Variants in EML5 observed in about 807,000 individuals in gnomAD.
EML5 encodes EMAP like 5, also known as echinoderm microtubule-associated protein-like 5.
A neutral mutation model predicts 250.0 loss-of-function variants in EML5; 120 were observed. The observed-to-expected ratio is 0.48, with a 90% CI of 0.41 to 0.56. The LOEUF is 0.56. EML5 is among the 20% of genes least tolerant of loss of function. EML5 has a pLI of 0.00. For synonymous variants in EML5, 771 were observed against 806.5 expected, an observed-to-expected ratio of 0.96 and a Z score of 0.75; for missense variants, 2,006 against 2,437.6, an observed-to-expected ratio of 0.82 and a Z score of 3.73.
intron 21 of EML5, among the ~76,000 whole-genome samples, chr14:88,681,405 T>C (rs1373373938): frequency 6.6e-6 from 1 of 152,216 alleles, no homozygotes; most frequent in Non-Finnish European, 1.5e-5. Context: ...GGTCAGGAGA[T>C]TGAGACCAGC....
rs767572487 is a variant in EML5 at position 88,736,482 on chromosome 14, GCAC to G, written c.928_930del (p.Val310del). 1.1e-5 allele frequency: 18 copies of G among 1,613,822 alleles called. No homozygotes were observed. Among genetic ancestry groups the G allele is most frequent in the Non-Finnish European group, 1.4e-5 (16 of 1,179,892 alleles). On this transcript the variant is annotated inframe_deletion, in exon 7 of 44. Coordinates refer to ENST00000554922, the MANE Select transcript of EML5 (RefSeq NM_183387.3). ...ATTAGAAAAGGTTTATTTCTTTCTT[GCAC>G]CACAATTTCAAAAATTTCACTGTCC...
chr14:88,727,379 C>T (rs1163040032), intron 7 of EML5, among the ~76,000 whole-genome samples: 1 of 149,800 alleles, frequency 6.7e-6, no homozygotes, highest in Admixed American at 6.7e-5. Flanking sequence ...CTCAACTCTG[C>T]ATCTGTAGTG....
intron 1 of EML5, among the ~76,000 whole-genome samples, chr14:88,772,363 T>C (rs1252480493): frequency 4.6e-5 from 7 of 152,190 alleles, no homozygotes; most frequent in African/African-American, 1.2e-4. Flanking sequence ...AAAAATAACA[T>C]AAATCTGATC....
At chr14:88,745,972 T>C (rs557053153) in intron 3 of EML5, among the ~76,000 whole-genome samples, 1 of 152,294 alleles carries the variant, frequency 6.6e-6, no homozygotes, top group South Asian at 2.1e-4. Flanking sequence ...GCCAATGCTA[T>C]ACATATCAAA....
At chr14:88,720,713 CACAAG>C (rs773314616) in intron 8 of EML5, among the ~76,000 whole-genome samples, 8 of 152,112 alleles carry the variant, frequency 5.3e-5, no homozygotes, top group Non-Finnish European at 1.0e-4. Flanking sequence ...TGAAAACTGG[CACAAG>C]ACAAGGATGT....
At chr14:88,739,392 G>T (rs1308465390) in intron 5 of EML5, among the ~76,000 whole-genome samples, 2 of 151,918 alleles carry the variant, frequency 1.3e-5, no homozygotes, top group Non-Finnish European at 1.5e-5. Context: ...GTAGATTTTG[G>T]TATCTGTGGT....
chr14:88,711,875 G>T (rs923050015), intron 10 of EML5, among the ~76,000 whole-genome samples: 5 of 151,832 alleles, frequency 3.3e-5, no homozygotes, highest in Non-Finnish European at 1.5e-5. Flanking sequence ...AACCCAAGAG[G>T]TGGAGGCTGC....
intron 1 of EML5, among the ~76,000 whole-genome samples, chr14:88,783,097 AAAG>A (rs1566798768): frequency 6.6e-6 from 1 of 152,192 alleles, no homozygotes; most frequent in Non-Finnish European, 1.5e-5. Flanking sequence ...AAAGAAAAAA[AAAG>A]AAGAAAGAAA....
chr14:88,773,941 A>C (rs1299644602), intron 1 of EML5, among the ~76,000 whole-genome samples: 1 of 152,146 alleles, frequency 6.6e-6, no homozygotes, highest in Non-Finnish European at 1.5e-5. Context: ...CAACATGGTA[A>C]AACCCCACCT....
At chr14:88,618,143 T>C in intron 41 of EML5, 85 bp downstream of exon 41, 1 of 1,101,906 alleles carries the variant, frequency 9.1e-7, no homozygotes, top group African/African-American at 1.5e-5. Context: ...TATTCCTTAT[T>C]GGAATGGCTC....
chr14:88,694,844 C>T (rs1051231966), intron 16 of EML5, among the ~76,000 whole-genome samples: 4 of 152,220 alleles, frequency 2.6e-5, no homozygotes, highest in Admixed American at 6.5e-5. Flanking sequence ...TTTAACATCG[C>T]TTTAATAAAT....
At chr14:88,764,780 C>T (rs1346507736) in intron 1 of EML5, among the ~76,000 whole-genome samples, 2 of 151,884 alleles carry the variant, frequency 1.3e-5, no homozygotes, top group African/African-American at 4.8e-5. Context: ...TTTTCACTTT[C>T]TTCTTCTTTT....
intron 22 of EML5, 94 bp downstream of exon 22, chr14:88,665,243 A>G (rs1308380616): frequency 7.5e-7 from 1 of 1,341,060 alleles, no homozygotes; most frequent in South Asian, 1.6e-5. Flanking sequence ...TTAAGTTCTG[A>G]GATAACATAA....
chr14:88,664,330 A>G (rs1368077277), intron 23 of EML5, among the ~76,000 whole-genome samples, 163 bp downstream of exon 23: 1 of 151,914 alleles, frequency 6.6e-6, no homozygotes, highest in Non-Finnish European at 1.5e-5. Flanking sequence ...ACTCTATAGT[A>G]TTCATCTTCA....
intron 17 of EML5, among the ~76,000 whole-genome samples, chr14:88,692,884 T>C (rs1441507417): frequency 1.3e-5 from 2 of 152,244 alleles, no homozygotes; most frequent in Non-Finnish European, 1.5e-5. Context: ...ACTTGGGAAA[T>C]GTCTTCACTA....
rs577789982 is a variant in EML5, at chr14:88,647,177, A to G, written c.4020-222T>C. Among the ~76,000 whole-genome samples the G allele has an allele frequency of 2.0e-5, 3 of 152,118 alleles. No homozygotes were observed. In the South Asian group the frequency reaches 6.2e-4, roughly 31 times the overall value. On this transcript the variant is annotated intron_variant, in intron 28 of 43. Transcript: ENST00000554922. Reference sequence around the variant, plus strand: ...GGAGTTCGAGACCAGCCTGGCCAACATGGTGAAATCCCGTCTCTACTAAAA... The same window carrying G: ...GGAGTTCGAGACCAGCCTGGCCAACGTGGTGAAATCCCGTCTCTACTAAAA...
intron 19 of EML5, 79 bp from the exon 20 acceptor site, chr14:88,685,221 T>G: frequency 8.2e-7 from 1 of 1,226,696 alleles, no homozygotes. Flanking sequence ...AATTAAGCTA[T>G]TTTGACAGTG....
chr14:88,725,418 G>A (rs903812389), intron 8 of EML5, among the ~76,000 whole-genome samples: 3 of 152,170 alleles, frequency 2.0e-5, no homozygotes, highest in African/African-American at 7.2e-5. Flanking sequence ...TAATGTATCT[G>A]TTCATAATGG....
intron 6 of EML5, among the ~76,000 whole-genome samples, chr14:88,737,874 A>G (rs2093868199): frequency 6.6e-6 from 1 of 152,224 alleles, no homozygotes; most frequent in Non-Finnish European, 1.5e-5. Flanking sequence ...TTACCTTTAT[A>G]GAATTGTATT....
Sources: gnomAD v4.1 joint callset for allele counts (sites outside exome capture counted in the v4.1 genomes callset) on GRCh38, gnomAD v4.1.1 for gene constraint, MANE v1.5 for transcripts, NCBI Gene and HGNC (gene_info 2026-07-23, HGNC 2026-07-21) for gene names.